Variants in WDPCP observed in about 807,000 individuals in gnomAD.
WDPCP encodes WD repeat containing planar cell polarity effector, also known as WD repeat-containing and planar cell polarity effector protein fritz homolog.
In WDPCP, 71 loss-of-function variants were observed where a neutral mutation model predicts 93.1. The observed-to-expected ratio is 0.76, with a 90% CI of 0.63 to 0.93. The LOEUF (loss-of-function observed/expected upper bound fraction) is 0.93, where lower values mean the gene tolerates loss of function less well. Among genes scored for constraint, WDPCP ranks in the 40% least tolerant of loss-of-function variants. The pLI is 0.00. For missense variants in WDPCP, 844 were observed against 887.4 expected, an observed-to-expected ratio of 0.95 and a Z score of 0.62; for synonymous variants, 315 against 315.0, an observed-to-expected ratio of 1.00 and a Z score of 0.00.
chr2:63,184,815 C>CT (rs772825883), intron 14 of WDPCP, among the ~76,000 whole-genome samples: 13 of 152,084 alleles, frequency 8.5e-5, no homozygotes, highest in Non-Finnish European at 1.6e-4. Context: ...ATTTTCAAAA[C>CT]TTTGTTTTTT....
intron 3 of WDPCP, among the ~76,000 whole-genome samples, chr2:63,607,927 A>G (rs1334009771): frequency 6.6e-6 from 1 of 152,166 alleles, no homozygotes; most frequent in Non-Finnish European, 1.5e-5. Flanking sequence ...TAACCAGGGG[A>G]AGGCAGTAAG....
chr2:63,174,670 C>CTGTT lies in WDPCP; in HGVS notation c.2074_2077dup (p.Arg693LysfsTer6), dbSNP rs781349761. ...ATTTCCTCAGTTCAACATTTCTTAC[C>CTGTT]TGTTAGAAGAGCCATTCAGTATTCT... On this transcript the variant is annotated frameshift_variant and splice_region_variant, in exon 15 of 18. Transcript: ENST00000272321. LOFTEE classifies it high-confidence loss of function. The CTGTT allele has an allele frequency of 1.2e-6, 2 of 1,613,786 alleles. No individual in the cohort carries two copies. The highest frequency in any genetic ancestry group is 2.2e-5 in the South Asian group (2 of 91,062).
rs371953133 is a variant in WDPCP, at chr2:63,527,488, C to T, written c.76-34548G>A. Reference sequence around the variant, plus strand: ...TGCAGTGTTTGGTTTTCTGTCCTTGCGATAGTTTGCTCAGAATGATGGTTT... The same window carrying T: ...TGCAGTGTTTGGTTTTCTGTCCTTGTGATAGTTTGCTCAGAATGATGGTTT... On this transcript the variant is annotated intron_variant, in intron 1 of 17. Coordinates refer to ENST00000272321, the MANE Select transcript of WDPCP (RefSeq NM_015910.7). Among the ~76,000 whole-genome samples, 6 of 151,564 alleles carry T rather than the reference C, an allele frequency of 4.0e-5. No homozygotes were observed. The South Asian group carries it at 6.3e-4, about 16-fold the overall frequency.
intron 3 of WDPCP, among the ~76,000 whole-genome samples, chr2:63,596,532 C>T (rs1709315255): frequency 6.6e-6 from 1 of 152,166 alleles, no homozygotes; most frequent in Non-Finnish European, 1.5e-5. Flanking sequence ...GGTTTGTCCT[C>T]TGCCAGATAT....
chr2:63,216,388 T>A (rs1179074721), intron 14 of WDPCP, among the ~76,000 whole-genome samples: 1 of 152,092 alleles, frequency 6.6e-6, no homozygotes, highest in Admixed American at 6.6e-5. Flanking sequence ...TAAAAAAGGA[T>A]GAGTTCATGT....
chr2:63,657,739 C>T (rs774915896), intron 2 of WDPCP, among the ~76,000 whole-genome samples: 1 of 152,016 alleles, frequency 6.6e-6, no homozygotes, highest in Non-Finnish European at 1.5e-5. Context: ...AGTCTATTTC[C>T]CATTGTTTGT....
intron 12 of WDPCP, among the ~76,000 whole-genome samples, chr2:63,317,961 T>C (rs984909914): frequency 3.9e-5 from 6 of 151,920 alleles, no homozygotes; most frequent in African/African-American, 1.5e-4. Context: ...CAAAAGAAAC[T>C]ATCAAAAAAG....
At chr2:63,655,268 C>A (rs529543513) in intron 2 of WDPCP, among the ~76,000 whole-genome samples, 1 of 152,156 alleles carries the variant, frequency 6.6e-6, no homozygotes, top group South Asian at 2.1e-4. Context: ...ACTTGGTGAG[C>A]ATTGCTCTCT....
At chr2:63,709,592 T>C (rs1227833938) in intron 2 of WDPCP, among the ~76,000 whole-genome samples, 1 of 152,218 alleles carries the variant, frequency 6.6e-6, no homozygotes, top group Non-Finnish European at 1.5e-5. Context: ...TATGTGGTGC[T>C]AATTCCTAAT....
At chr2:63,204,635 C>T (rs1676190025) in intron 14 of WDPCP, among the ~76,000 whole-genome samples, 1 of 152,132 alleles carries the variant, frequency 6.6e-6, no homozygotes, top group South Asian at 2.1e-4. Context: ...AGCCACTGCG[C>T]CTGGCCTGTA....
intron 14 of WDPCP, among the ~76,000 whole-genome samples, chr2:63,224,406 C>G (rs1332600339): frequency 1.3e-5 from 2 of 151,950 alleles, no homozygotes; most frequent in Non-Finnish European, 2.9e-5. Flanking sequence ...CCCAAGGGAA[C>G]TGAAAACTTA....
At chr2:63,395,123 A>C (rs751800938) in intron 10 of WDPCP, among the ~76,000 whole-genome samples, 9 of 152,218 alleles carry the variant, frequency 5.9e-5, no homozygotes, top group Non-Finnish European at 8.8e-5. Context: ...CTAACGTTGA[A>C]GATTGTCACA....
At position 63,367,082 on chromosome 2, in the gene WDPCP, T is replaced by C. The variant is rs539776015; in HGVS notation, c.1748+11304A>G. Among the ~76,000 whole-genome samples, 5 of 151,116 alleles carry C rather than the reference T, an allele frequency of 3.3e-5. No homozygotes were observed. In the South Asian group the frequency reaches 1.0e-3, roughly 31 times the overall value. On this transcript the variant is annotated intron_variant, in intron 12 of 17. Coordinates refer to ENST00000272321, the MANE Select transcript of WDPCP (RefSeq NM_015910.7). ...TATATTCATTTATATATATGAAATA[T>C]ATGCAATCATCATTTGTAAAAAAAA...
At chr2:63,219,647 A>T (rs1677649445) in intron 14 of WDPCP, among the ~76,000 whole-genome samples, 2 of 152,236 alleles carry the variant, frequency 1.3e-5, no homozygotes, top group African/African-American at 4.8e-5. Flanking sequence ...CATCTAAAAA[A>T]TTCTAATGTG....
At chr2:63,700,251 G>A (rs543474894) in intron 2 of WDPCP, among the ~76,000 whole-genome samples, 85 of 127,568 alleles carry the variant, frequency 6.7e-4, no homozygotes, top group Admixed American at 1.9e-3. Context: ...CCACTGTACT[G>A]CAGCCTGGGT....
chr2:63,438,126 G>T, intron 7 of WDPCP: 2 of 757,964 alleles, frequency 2.6e-6, no homozygotes, highest in Non-Finnish European at 3.5e-6. Flanking sequence ...TATTTCTACA[G>T]CTTTGTCACC....
At chr2:63,789,859 T>C (rs1289548630) in intron 2 of WDPCP, among the ~76,000 whole-genome samples, 1 of 152,210 alleles carries the variant, frequency 6.6e-6, no homozygotes, top group Non-Finnish European at 1.5e-5. Flanking sequence ...TGAATAGGAT[T>C]ACATCAAGTC....
chr2:63,794,285 T>C (rs1444571370), intron 2 of WDPCP, among the ~76,000 whole-genome samples: 1 of 152,196 alleles, frequency 6.6e-6, no homozygotes, highest in African/African-American at 2.4e-5. Context: ...TTTTAAGGAA[T>C]TGACCCCAGC....
At chr2:63,494,630 G>A (rs1469781206) in intron 1 of WDPCP, among the ~76,000 whole-genome samples, 2 of 152,078 alleles carry the variant, frequency 1.3e-5, no homozygotes, top group African/African-American at 4.8e-5. Context: ...TAAAAAGATG[G>A]CATGACCCGG....
Sources: allele counts gnomAD v4.1 joint callset (sites outside exome capture counted in the v4.1 genomes callset), GRCh38; gene constraint gnomAD v4.1.1; transcripts MANE v1.5; gene names NCBI Gene and HGNC (gene_info 2026-07-23, HGNC 2026-07-21).